Variants in PPP3CC observed in about 807,000 individuals in gnomAD.
PPP3CC encodes the protein serine/threonine-protein phosphatase 2B catalytic subunit gamma isoform.
In PPP3CC, 35 loss-of-function variants were observed where a neutral mutation model predicts 60.3. The observed-to-expected ratio is 0.58, with a 90% CI of 0.44 to 0.77. The LOEUF (loss-of-function observed/expected upper bound fraction) is 0.77, where lower values mean the gene tolerates loss of function less well. PPP3CC is among the 30% of genes least tolerant of loss of function. The probability of loss-of-function intolerance (pLI) is 0.00; values close to 1 mark genes in which losing one functional copy is unlikely to be tolerated. For missense variants in PPP3CC, 570 were observed against 628.9 expected (o/e 0.91, Z 1.00); for synonymous variants, 206 against 224.3 (o/e 0.92, Z 0.73).
chr8:22,463,896 C>T (rs902233823), intron 1 of PPP3CC, among the ~76,000 whole-genome samples: 2 of 151,684 alleles, frequency 1.3e-5, no homozygotes, highest in Non-Finnish European at 2.9e-5. Flanking sequence ...AAGCAATTCT[C>T]CTGCCTCAGC....
At chr8:22,511,746 A>G (rs1271236339) in intron 5 of PPP3CC, among the ~76,000 whole-genome samples, 1 of 152,222 alleles carries the variant, frequency 6.6e-6, no homozygotes, top group Non-Finnish European at 1.5e-5. Context: ...CTATGTTTTT[A>G]CCAACTAGAA....
chr8:22,470,432 A>G (rs187854169), intron 1 of PPP3CC, among the ~76,000 whole-genome samples: 1 of 152,346 alleles, frequency 6.6e-6, no homozygotes, highest in Admixed American at 6.5e-5. Context: ...GAATTGGTAT[A>G]TAGTCAATTA....
intron 8 of PPP3CC, among the ~76,000 whole-genome samples, chr8:22,525,491 C>CTTTCT (rs1188701681): frequency 8.2e-4 from 105 of 128,650 alleles, no homozygotes; most frequent in African/African-American, 2.8e-3. Context: ...GCTTCCTTTT[C>CTTTCT]TTCTTTCTTT....
rs144434067 is a variant in PPP3CC at position 22,506,571 on chromosome 8, C to T, written c.485-4515C>T. 8.3e-3 allele frequency among the ~76,000 whole-genome samples: 1,260 copies of T among 152,192 alleles called. 17 individuals are homozygous for T. Among genetic ancestry groups the T allele is most frequent in the African/African-American group, 0.027 (1,107 of 41,500 alleles). On this transcript the variant is annotated intron_variant, in intron 4 of 13. Coordinates refer to ENST00000240139, the MANE Select transcript of PPP3CC (RefSeq NM_005605.5). The stretch of plus-strand genomic sequence containing the variant: ...CATAGAACATCTTTGTAAAGACACC[C>T]AGGAAACTGGTAATATTGGTTACCT...
chr8:22,475,298 G>A, intron 2 of PPP3CC, 147 bp downstream of exon 2: 1 of 978,568 alleles, frequency 1.0e-6, no homozygotes, highest in African/African-American at 1.6e-5. Context: ...GATATTTGTT[G>A]TTAATTGAAG....
chr8:22,504,686 GCCTCCCTCCCTCCTTCCCTC>G (rs1023304130), intron 4 of PPP3CC, among the ~76,000 whole-genome samples: 4 of 151,784 alleles, frequency 2.6e-5, no homozygotes, highest in African/African-American at 7.2e-5. Flanking sequence ...CATAGTGCCT[GCCTCCCTCCCTCCTTCCCTC>G]CCTCCCTCCC....
intron 1 of PPP3CC, among the ~76,000 whole-genome samples, chr8:22,444,756 C>T (rs1177418834): frequency 6.6e-6 from 1 of 152,196 alleles, no homozygotes; most frequent in Non-Finnish European, 1.5e-5. Flanking sequence ...TTCTGTGAGC[C>T]TTTAGAGCAG....
chr8:22,536,352 A>AG, intron 12 of PPP3CC, among the ~76,000 whole-genome samples: 1 of 152,380 alleles, frequency 6.6e-6, no homozygotes, highest in East Asian at 1.9e-4. Flanking sequence ...AGAGAAAAAA[A>AG]GGAATGTCCT....
intron 1 of PPP3CC, among the ~76,000 whole-genome samples, chr8:22,443,429 G>A (rs1836733802): frequency 6.6e-6 from 1 of 150,458 alleles, no homozygotes; most frequent in Non-Finnish European, 1.5e-5. Flanking sequence ...TCTGAGGCAC[G>A]AGAATTGCTT....
chr8:22,534,819 A>G (rs1839809005), intron 12 of PPP3CC, among the ~76,000 whole-genome samples: 1 of 152,278 alleles, frequency 6.6e-6, no homozygotes, highest in Admixed American at 6.5e-5. Context: ...ATGCTACAAC[A>G]TGGTTGAATC....
chr8:22,522,605 G>T, intron 7 of PPP3CC, 37 bp downstream of exon 7: 3 of 1,592,926 alleles, frequency 1.9e-6, no homozygotes, highest in Non-Finnish European at 2.6e-6. Context: ...TATCGCTGCA[G>T]AGTCTTTGCA....
chr8:22,513,476 A>G (rs1330692359), intron 6 of PPP3CC, 44 bp downstream of exon 6: 2 of 1,531,766 alleles, frequency 1.3e-6, no homozygotes, highest in South Asian at 1.3e-5. Flanking sequence ...GGAAACTGTA[A>G]TTCATTTTAT....
At chr8:22,506,201 T>C (rs894863705) in intron 4 of PPP3CC, among the ~76,000 whole-genome samples, 2 of 151,778 alleles carry the variant, frequency 1.3e-5, no homozygotes, top group East Asian at 1.9e-4. Flanking sequence ...CTTGGGAGGC[T>C]GAAGTGGGAA....
intron 3 of PPP3CC, among the ~76,000 whole-genome samples, chr8:22,488,351 G>A (rs1345948522): frequency 6.6e-6 from 1 of 152,272 alleles, no homozygotes; most frequent in South Asian, 2.1e-4. Context: ...TGCAATGCCT[G>A]TTTCAAAATG....
At chr8:22,496,954 G>A (rs2132510531) in intron 3 of PPP3CC, among the ~76,000 whole-genome samples, 1 of 151,886 alleles carries the variant, frequency 6.6e-6, no homozygotes, top group East Asian at 1.9e-4. Flanking sequence ...GTGTCTTTAG[G>A]CCTCTTTGTT....
At chr8:22,525,549 T>C (rs1217284401) in intron 8 of PPP3CC, among the ~76,000 whole-genome samples, 2 of 131,162 alleles carry the variant, frequency 1.5e-5, no homozygotes, top group Non-Finnish European at 3.6e-5. Flanking sequence ...TCTCCCTCTC[T>C]CTCTCTCTCT....
At chr8:22,525,158 A>T (rs1012785481) in intron 8 of PPP3CC, among the ~76,000 whole-genome samples, 1 of 149,714 alleles carries the variant, frequency 6.7e-6, no homozygotes, top group Non-Finnish European at 1.5e-5. Context: ...TCTAAAAAAT[A>T]AAAAAAAAAG....
chr8:22,483,112 G>A (rs1278573845), intron 3 of PPP3CC, among the ~76,000 whole-genome samples: 1 of 152,104 alleles, frequency 6.6e-6, no homozygotes, highest in Non-Finnish European at 1.5e-5. Context: ...ACAGATTTCA[G>A]AATTAAGTAT....
rs373977953 is a variant in PPP3CC, at chr8:22,513,337, C to T, written c.675C>T (p.Asp225=). 52 of 1,613,486 alleles carry T rather than the reference C, an allele frequency of 3.2e-5. No individual in the cohort carries two copies. The highest frequency in any genetic ancestry group is 4.3e-5 in the Non-Finnish European group (51 of 1,179,786). The change falls in exon 6 of 14, where the codon GAC becomes GAT. Residue 225 remains aspartate (D), a synonymous_variant. Coordinates refer to ENST00000240139, the MANE Select transcript of PPP3CC (RefSeq NM_005605.5). ...CTCCCGCCTTTGGACCTGTGTGTGA[C>T]CTGCTTTGGTCTGATCCCTCAGAGG... The part of the protein sequence containing the change: ...TEPPAFGPVC[D]LLWSDPSEDY...
Sources: allele counts gnomAD v4.1 joint callset (sites outside exome capture counted in the v4.1 genomes callset), GRCh38; gene constraint gnomAD v4.1.1; transcripts MANE v1.5; gene names NCBI Gene and HGNC (gene_info 2026-07-23, HGNC 2026-07-21).